DIAPH2: variants seen among roughly 807,000 people sequenced by gnomAD.
The protein encoded by DIAPH2 is protein diaphanous homolog 2.
In DIAPH2, 35 loss-of-function variants were observed where a neutral mutation model predicts 92.7. That is an observed-to-expected ratio of 0.38 (90% CI 0.29 to 0.50). The LOEUF (loss-of-function observed/expected upper bound fraction) is 0.50, where lower values mean the gene tolerates loss of function less well. Ranked by LOEUF, DIAPH2 falls within the 20% of genes least tolerant of loss-of-function variation. The pLI, the probability that DIAPH2 is intolerant of heterozygous loss-of-function variation, is 0.94. For missense variants in DIAPH2, 701 were observed against 819.5 expected, an observed-to-expected ratio of 0.86 and a Z score of 1.77; for synonymous variants, 301 against 280.4, an observed-to-expected ratio of 1.07 and a Z score of -0.73.
chrX:96,915,980 A>G (rs1032690575), intron 7 of DIAPH2, among the ~76,000 whole-genome samples: 3 of 111,617 alleles, frequency 2.7e-5, no homozygotes, highest in African/African-American at 9.7e-5. Context: ...TTATACTGGC[A>G]TATAGTATTC....
chrX:96,990,945 A>C (rs745995754), intron 17 of DIAPH2, among the ~76,000 whole-genome samples: 8 of 111,080 alleles, frequency 7.2e-5, no homozygotes, highest in African/African-American at 9.8e-5. Flanking sequence ...AATTTTGTTC[A>C]TTAAAAAAAA....
At chrX:97,108,210 TGA>T (rs1190188756) in intron 20 of DIAPH2, among the ~76,000 whole-genome samples, 2 of 110,735 alleles carry the variant, frequency 1.8e-5, no homozygotes, top group Non-Finnish European at 1.9e-5. Context: ...GCTAAAGAAA[TGA>T]GAGCCACTTG....
At chrX:97,296,805 T>G (rs1405296790) in intron 23 of DIAPH2, among the ~76,000 whole-genome samples, 1 of 108,234 alleles carries the variant, frequency 9.2e-6, no homozygotes, top group Non-Finnish European at 1.9e-5. Flanking sequence ...GAGACGGAGT[T>G]TTGCTCTTGT....
intron 26 of DIAPH2, among the ~76,000 whole-genome samples, chrX:97,434,626 GGTCTCAATCTCCT>G (rs199927697): frequency 0.013 from 1,446 of 109,549 alleles, 29 homozygotes; most frequent in African/African-American, 0.045. Flanking sequence ...TGGCCAGGAT[GGTCTCAATCTCCT>G]GACCTCATGA....
chrX:97,050,712 G>A (rs2066514451), intron 17 of DIAPH2, among the ~76,000 whole-genome samples: 1 of 110,634 alleles, frequency 9.0e-6, no homozygotes, highest in Non-Finnish European at 1.9e-5. Context: ...TATTTAATAT[G>A]TCCATCTGAT....
intron 26 of DIAPH2, among the ~76,000 whole-genome samples, chrX:97,586,848 C>T (rs894724742): frequency 1.8e-5 from 2 of 111,868 alleles, no homozygotes; most frequent in Admixed American, 9.5e-5. Context: ...GTATGCTAAC[C>T]GCATTTGAGA....
chrX:97,099,591 T>A, intron 19 of DIAPH2, 103 bp from the exon 20 acceptor site: 2 of 477,324 alleles, frequency 4.2e-6, no homozygotes, highest in Non-Finnish European at 6.4e-6. Flanking sequence ...AGAACCACAG[T>A]CAGAAATGTA....
Position 97,214,453 on chromosome X carries a change from A to T in DIAPH2, c.2720-33262A>T, listed in dbSNP as rs1315989160. Among the ~76,000 whole-genome samples, 4 of 108,016 alleles carry T rather than the reference A, an allele frequency of 3.7e-5. No homozygotes were observed. In the Admixed American group the frequency reaches 4.0e-4, roughly 11 times the overall value. 93.8% of individuals were successfully genotyped at this position (108,016 alleles called of 115,157 possible). ...CACTGTACTCTAGCCTGGACAAGAGATCTCATCTCTAAAAATTAAAGAAAA... is the reference window on the plus strand; with the variant it reads ...CACTGTACTCTAGCCTGGACAAGAGTTCTCATCTCTAAAAATTAAAGAAAA... On this transcript the variant is annotated intron_variant, in intron 22 of 26. Transcript: ENST00000324765.
chrX:96,922,783 T>C (rs969925483), intron 9 of DIAPH2, among the ~76,000 whole-genome samples: 1 of 112,025 alleles, frequency 8.9e-6, no homozygotes, highest in African/African-American at 3.2e-5. Context: ...TGCGGAACAC[T>C]TTGCCTGAAA....
intron 17 of DIAPH2, among the ~76,000 whole-genome samples, chrX:97,012,969 G>T (rs1268339191): frequency 9.0e-6 from 1 of 111,717 alleles, no homozygotes; most frequent in Non-Finnish European, 1.9e-5. Context: ...CTTTTCCTTT[G>T]CATATCCCAC....
At chrX:97,571,953 G>C (rs1010352928) in intron 26 of DIAPH2, among the ~76,000 whole-genome samples, 1 of 111,989 alleles carries the variant, frequency 8.9e-6, no homozygotes, top group African/African-American at 3.2e-5. Flanking sequence ...TGGAGAGGAG[G>C]TGAAGAGGCT....
At chrX:96,821,949 C>T (rs1330797285) in intron 4 of DIAPH2, among the ~76,000 whole-genome samples, 1 of 111,891 alleles carries the variant, frequency 8.9e-6, no homozygotes, top group African/African-American at 3.2e-5. Flanking sequence ...GCATAAGGCT[C>T]CCACATACAA....
At chrX:97,502,763 T>A (rs1017954595) in intron 26 of DIAPH2, among the ~76,000 whole-genome samples, 1 of 112,883 alleles carries the variant, frequency 8.9e-6, no homozygotes, top group African/African-American at 3.2e-5. Flanking sequence ...TGTAGCTATC[T>A]TTTCAAATAT....
At chrX:96,765,850 A>G (rs1199679627) in intron 4 of DIAPH2, among the ~76,000 whole-genome samples, 1 of 111,011 alleles carries the variant, frequency 9.0e-6, no homozygotes, top group Non-Finnish European at 1.9e-5. Context: ...CAATTCCTTC[A>G]TGCCTTATTC....
At chrX:96,884,481 T>C (rs2065243824) in intron 5 of DIAPH2, 1 of 1,209,262 alleles carries the variant, frequency 8.3e-7, no homozygotes, top group Admixed American at 2.2e-5. Flanking sequence ...TTCTCAGCTC[T>C]ACTGTGTTTG....
At chrX:96,948,772 A>G (rs904469204) in intron 14 of DIAPH2, among the ~76,000 whole-genome samples, 163 bp from the exon 15 acceptor site, 1 of 110,680 alleles carries the variant, frequency 9.0e-6, no homozygotes, top group African/African-American at 3.3e-5. Context: ...CCCCACCTCC[A>G]CTTGGATACT....
In DIAPH2 at chrX:97,201,634, G is replaced by A. The variant is rs190336543; in HGVS notation, c.2720-46081G>A. ...AGATTGGAGAACATAGAATGAAAAGGAATGAACAAACCCTCCAAGAAATGT... is the reference window on the plus strand; with the variant it reads ...AGATTGGAGAACATAGAATGAAAAGAAATGAACAAACCCTCCAAGAAATGT... On this transcript the variant is annotated intron_variant, in intron 22 of 26. Transcript: ENST00000324765. Among the ~76,000 whole-genome samples the A allele has an allele frequency of 3.3e-3, 359 of 109,369 alleles. 2 individuals are homozygous for A. Among genetic ancestry groups the A allele is most frequent in the South Asian group, 0.021 (52 of 2,458 alleles). 95.0% of individuals were successfully genotyped at this position (109,369 alleles called of 115,157 possible).
intron 25 of DIAPH2, among the ~76,000 whole-genome samples, chrX:97,411,276 A>G (rs2069869930): frequency 8.9e-6 from 1 of 112,192 alleles, no homozygotes; most frequent in Non-Finnish European, 1.9e-5. Flanking sequence ...AGAATTTTCA[A>G]CTTAGAATTT....
At chrX:97,019,745 T>C (rs1160658886) in intron 17 of DIAPH2, among the ~76,000 whole-genome samples, 1 of 102,989 alleles carries the variant, frequency 9.7e-6, no homozygotes, top group African/African-American at 3.4e-5. Context: ...TAGGCATTAA[T>C]AGATTTTCAC....
Sources: allele counts gnomAD v4.1 joint callset (sites outside exome capture counted in the v4.1 genomes callset), GRCh38; gene constraint gnomAD v4.1.1; transcripts MANE v1.5; gene names NCBI Gene and HGNC (gene_info 2026-07-23, HGNC 2026-07-21).